EFCAB6: variants seen among roughly 807,000 people sequenced by gnomAD.
EFCAB6 encodes EF-hand calcium binding domain 6, also known as EF-hand calcium-binding domain-containing protein 6.
Under a neutral mutation model 169.8 loss-of-function variants are expected in EFCAB6, and 156 were observed. The ratio of observed to expected loss-of-function variants is 0.92; its 90% CI spans 0.81 to 1.05. EFCAB6 has a LOEUF of 1.05. EFCAB6 is among the 50% of genes least tolerant of loss of function. The probability of loss-of-function intolerance (pLI) is 0.00; values close to 1 mark genes in which losing one functional copy is unlikely to be tolerated. For synonymous variants in EFCAB6, 698 were observed against 676.4 expected (o/e 1.03, Z -0.50); for missense variants, 1,800 against 1,829.1 (o/e 0.98, Z 0.29).
chr22:43,701,509 C>T (rs751955050), intron 10 of EFCAB6, among the ~76,000 whole-genome samples: 1 of 151,810 alleles, frequency 6.6e-6, no homozygotes, highest in Non-Finnish European at 1.5e-5. Context: ...TGCCCATGTA[C>T]AACAGAAATT....
chr22:43,646,973 G>A (rs1374176855), intron 17 of EFCAB6, among the ~76,000 whole-genome samples: 2 of 152,148 alleles, frequency 1.3e-5, no homozygotes, highest in Non-Finnish European at 2.9e-5. Flanking sequence ...CTATAAGCAA[G>A]AAATTGTAAT....
At chr22:43,637,021 G>A (rs377485392) in intron 17 of EFCAB6, among the ~76,000 whole-genome samples, 4 of 152,178 alleles carry the variant, frequency 2.6e-5, no homozygotes, top group East Asian at 1.9e-4. Context: ...CAGGGGGAGC[G>A]GCAAGCAGCT....
intron 29 of EFCAB6, chr22:43,535,089 A>G: frequency 3.6e-6 from 2 of 560,844 alleles, no homozygotes; most frequent in Non-Finnish European, 6.3e-6. Context: ...GCTGGCCCAC[A>G]CTGTCCTGGG....
intron 10 of EFCAB6, among the ~76,000 whole-genome samples, chr22:43,699,376 T>A (rs1397249930): frequency 6.6e-6 from 1 of 152,206 alleles, no homozygotes; most frequent in East Asian, 1.9e-4. Context: ...CTCGTTCATT[T>A]CAGTAACTGC....
chr22:43,623,093 T>C (rs546624728), intron 20 of EFCAB6, among the ~76,000 whole-genome samples: 1 of 152,354 alleles, frequency 6.6e-6, no homozygotes, highest in East Asian at 1.9e-4. Context: ...AAGATGATGG[T>C]GACACTGATC....
At chr22:43,677,632 A>G (rs924840634) in intron 13 of EFCAB6, among the ~76,000 whole-genome samples, 1 of 152,068 alleles carries the variant, frequency 6.6e-6, no homozygotes, top group African/African-American at 2.4e-5. Flanking sequence ...GGCAACAGAG[A>G]GAGACTCGAC....
intron 17 of EFCAB6, among the ~76,000 whole-genome samples, chr22:43,648,575 G>C (rs1217693051): frequency 1.3e-5 from 2 of 152,134 alleles, no homozygotes; most frequent in Non-Finnish European, 2.9e-5. Context: ...GGAGAAAGTG[G>C]GGTGTGGGCT....
intron 23 of EFCAB6, among the ~76,000 whole-genome samples, chr22:43,592,479 T>C (rs1403481023): frequency 6.6e-6 from 1 of 152,240 alleles, no homozygotes; most frequent in Non-Finnish European, 1.5e-5. Flanking sequence ...TACATATTTT[T>C]AGAAAATTGA....
chr22:43,546,827 C>A (rs1569137176), intron 27 of EFCAB6, among the ~76,000 whole-genome samples: 1 of 150,334 alleles, frequency 6.7e-6, no homozygotes, highest in Admixed American at 6.6e-5. Context: ...GAGACGAGAT[C>A]ATGCCATTGA....
chr22:43,613,654 A>G (rs1569248122), intron 21 of EFCAB6, among the ~76,000 whole-genome samples: 1 of 152,104 alleles, frequency 6.6e-6, no homozygotes, highest in Non-Finnish European at 1.5e-5. Flanking sequence ...AAAGATAACT[A>G]TTGGGTATTA....
At chr22:43,529,773 C>T (rs560405938) in intron 31 of EFCAB6, among the ~76,000 whole-genome samples, 1 of 152,290 alleles carries the variant, frequency 6.6e-6, no homozygotes, top group East Asian at 1.9e-4. Flanking sequence ...GATTGTCCAG[C>T]CACCACACCA....
At chr22:43,764,167 G>A (rs899525802) in intron 5 of EFCAB6, among the ~76,000 whole-genome samples, 1 of 152,178 alleles carries the variant, frequency 6.6e-6, no homozygotes, top group African/African-American at 2.4e-5. Context: ...CCCAGGTAGT[G>A]GGCATAGTAC....
At position 43,696,381 on chromosome 22, in the gene EFCAB6, A is replaced by G. The variant is rs533933918; in HGVS notation, c.1032-8800T>C. Among the ~76,000 whole-genome samples, 11 of 152,306 alleles carry G rather than the reference A, an allele frequency of 7.2e-5. No homozygotes were observed. In the South Asian group the frequency reaches 2.3e-3, roughly 32 times the overall value. ...CAAGATGGTAGTCACTTTGAAAAAC[A>G]GTTACATAGTATCACAAATTTAAAC... On this transcript the variant is annotated intron_variant, in intron 10 of 31. Coordinates refer to ENST00000262726, the MANE Select transcript of EFCAB6 (RefSeq NM_022785.4).
chr22:43,722,299 G>A (rs1460396113), intron 8 of EFCAB6, among the ~76,000 whole-genome samples: 1 of 152,040 alleles, frequency 6.6e-6, no homozygotes, highest in Non-Finnish European at 1.5e-5. Flanking sequence ...GGCCAAGGTG[G>A]GCAGATCACG....
At chr22:43,660,112 G>C (rs1420238905) in intron 17 of EFCAB6, among the ~76,000 whole-genome samples, 1 of 152,198 alleles carries the variant, frequency 6.6e-6, no homozygotes, top group Non-Finnish European at 1.5e-5. Flanking sequence ...AGAGAATGAA[G>C]AAATCAGACA....
chr22:43,612,258 T>C (rs935113644), intron 21 of EFCAB6, among the ~76,000 whole-genome samples: 2 of 152,104 alleles, frequency 1.3e-5, no homozygotes, highest in Admixed American at 1.3e-4. Context: ...ATTCTGGACA[T>C]AGGAACTGAG....
At chr22:43,775,272 G>A (rs1178742010) in intron 3 of EFCAB6, among the ~76,000 whole-genome samples, 1 of 152,084 alleles carries the variant, frequency 6.6e-6, no homozygotes, top group Non-Finnish European at 1.5e-5. Context: ...GGAATGGCAA[G>A]ATCTCCCAAC....
intron 17 of EFCAB6, among the ~76,000 whole-genome samples, chr22:43,647,041 T>C (rs1179494481): frequency 6.6e-6 from 1 of 152,140 alleles, no homozygotes; most frequent in Non-Finnish European, 1.5e-5. Flanking sequence ...AGAGGTGTTG[T>C]TAGTGGGGGA....
At chr22:43,653,376 A>G (rs534195973) in intron 17 of EFCAB6, among the ~76,000 whole-genome samples, 1 of 152,362 alleles carries the variant, frequency 6.6e-6, no homozygotes, top group Admixed American at 6.5e-5. Flanking sequence ...TTTATCAACA[A>G]AACTGATAGA....
Sources: gnomAD v4.1 joint callset for allele counts (sites outside exome capture counted in the v4.1 genomes callset) on GRCh38, gnomAD v4.1.1 for gene constraint, MANE v1.5 for transcripts, NCBI Gene and HGNC (gene_info 2026-07-23, HGNC 2026-07-21) for gene names.